PLXNA2: variants seen among roughly 807,000 people sequenced by gnomAD.
PLXNA2 encodes the protein plexin-A2.
Under a neutral mutation model 193.5 loss-of-function variants are expected in PLXNA2, and 91 were observed. The ratio of observed to expected loss-of-function variants is 0.47; its 90% CI spans 0.40 to 0.56. PLXNA2 has a LOEUF of 0.56. Among genes scored for constraint, PLXNA2 ranks in the 20% least tolerant of loss-of-function variants. PLXNA2 has a pLI of 0.00. For missense variants in PLXNA2, 1,995 were observed against 2,503.2 expected, an observed-to-expected ratio of 0.80 and a Z score of 4.33; for synonymous variants, 997 against 1,027.3, an observed-to-expected ratio of 0.97 and a Z score of 0.56.
intron 5 of PLXNA2, among the ~76,000 whole-genome samples, chr1:208,101,753 G>C (rs975625565): frequency 6.6e-6 from 1 of 152,196 alleles, no homozygotes; most frequent in Non-Finnish European, 1.5e-5. Flanking sequence ...TTCGACATGG[G>C]AGAAGTGCCA....
intron 4 of PLXNA2, among the ~76,000 whole-genome samples, chr1:208,111,217 ATTAATTTAAT>A (rs1251556252): frequency 6.6e-6 from 1 of 152,136 alleles, no homozygotes; most frequent in Non-Finnish European, 1.5e-5. Flanking sequence ...CACCTGGCTA[ATTAATTTAAT>A]TTAATTTAAT....
chr1:208,201,778 A>C (rs759307438), intron 3 of PLXNA2, among the ~76,000 whole-genome samples: 3 of 152,190 alleles, frequency 2.0e-5, no homozygotes, highest in Non-Finnish European at 1.5e-5. Context: ...TCACAAGTTA[A>C]GTCACAATTG....
intron 1 of PLXNA2, among the ~76,000 whole-genome samples, chr1:208,240,658 C>T (rs972517208): frequency 2.0e-5 from 3 of 151,260 alleles, no homozygotes; most frequent in African/African-American, 7.3e-5. Flanking sequence ...ACTCCCAGCA[C>T]CTCAAAGCCT....
rs1665000561 is a variant in PLXNA2 at position 208,044,801 on chromosome 1, G to A, written c.3640-59C>T. 7.4e-7 allele frequency: 1 copy of A among 1,348,532 alleles called. No homozygotes were observed. Among genetic ancestry groups the A allele is most frequent in the Admixed American group, 1.9e-5 (1 of 53,366 alleles). The allele number at this position is 1,348,532 out of a possible 1,614,324, so 83.5% of individuals were successfully genotyped here. A position where few individuals can be genotyped will look rare whatever the true frequency, so the allele number is the denominator to read the frequency against. On this transcript the variant is annotated intron_variant, in intron 19 of 31. Transcript: ENST00000367033. This position sits in a 1 kb window ranked among gnomAD's most constrained non-coding sequence, Gnocchi z 4.9. ...GCACACAGGTGTAGAGCCCGGGCAT[G>A]CCAGCAGATCCTTACAGTGCGAGGA...
chr1:208,056,929 C>T (rs1347395485), intron 13 of PLXNA2, among the ~76,000 whole-genome samples: 2 of 152,202 alleles, frequency 1.3e-5, no homozygotes, highest in African/African-American at 4.8e-5. Context: ...CTAATCTCCT[C>T]AACTCTTCTT....
chr1:208,098,321 T>A (rs1299669910), intron 6 of PLXNA2, among the ~76,000 whole-genome samples: 2 of 152,148 alleles, frequency 1.3e-5, no homozygotes, highest in Non-Finnish European at 2.9e-5. Context: ...CATGAAATAT[T>A]TTGGGTTGTA....
chr1:208,077,373 C>G (rs1417957448), intron 12 of PLXNA2, among the ~76,000 whole-genome samples: 1 of 152,150 alleles, frequency 6.6e-6, no homozygotes, highest in African/African-American at 2.4e-5. Flanking sequence ...ACAGAGCAGC[C>G]CGTCAGCCCC....
chr1:208,140,625 G>A (rs1668432569), intron 4 of PLXNA2, among the ~76,000 whole-genome samples: 1 of 152,174 alleles, frequency 6.6e-6, no homozygotes, highest in African/African-American at 2.4e-5. Context: ...GCCTGGAATG[G>A]TGCTCATCAA....
intron 3 of PLXNA2, among the ~76,000 whole-genome samples, chr1:208,145,976 C>G (rs2102489863): frequency 6.6e-6 from 1 of 152,272 alleles, no homozygotes; most frequent in Middle Eastern, 3.4e-3. Flanking sequence ...CACCCCCGAT[C>G]CATGCTATCT....
At chr1:208,158,496 C>G (rs938038378) in intron 3 of PLXNA2, among the ~76,000 whole-genome samples, 1 of 152,180 alleles carries the variant, frequency 6.6e-6, no homozygotes, top group Non-Finnish European at 1.5e-5. Flanking sequence ...AGACACCAGC[C>G]CCAGAGCATG....
At chr1:208,240,418 C>T (rs984609955) in intron 1 of PLXNA2, among the ~76,000 whole-genome samples, 2 of 152,142 alleles carry the variant, frequency 1.3e-5, no homozygotes, top group African/African-American at 2.4e-5. Context: ...TAGAAATGAC[C>T]GAAAAAGAAG....
intron 3 of PLXNA2, among the ~76,000 whole-genome samples, chr1:208,176,829 G>C (rs976909579): frequency 3.5e-4 from 54 of 152,230 alleles, no homozygotes; most frequent in African/African-American, 1.2e-3. Context: ...GCCCTAGCCT[G>C]CCTGTCAGCT....
intron 1 of PLXNA2, among the ~76,000 whole-genome samples, chr1:208,219,367 C>A (rs1201799022): frequency 6.6e-6 from 1 of 152,154 alleles, no homozygotes; most frequent in Non-Finnish European, 1.5e-5. Context: ...ACTGTCCTGA[C>A]TTATGGAGAG....
rs1558152027 is a variant in PLXNA2, at chr1:208,027,219, C to T, written c.*24G>A. On this transcript the variant is annotated 3_prime_UTR_variant, in exon 32 of 32. Transcript: ENST00000367033. ...GTGACAGCTTGGACAGGTCCCTCTTCCCAGGAATGCGAGGCTCCTCCTCTC... is the reference window on the plus strand; with the variant it reads ...GTGACAGCTTGGACAGGTCCCTCTTTCCAGGAATGCGAGGCTCCTCCTCTC... The T allele has an allele frequency of 6.3e-7, 1 of 1,594,602 alleles. No individual in the cohort carries two copies. The highest frequency in any genetic ancestry group is 8.6e-7 in the Non-Finnish European group (1 of 1,163,654).
In PLXNA2 at chr1:208,142,369, G is replaced by A. The variant is rs769795871; in HGVS notation, c.1466C>T (p.Ser489Phe). 1.2e-6 allele frequency: 2 copies of A among 1,613,760 alleles called. No individual in the cohort carries two copies. Among genetic ancestry groups the A allele is most frequent in the South Asian group, 1.1e-5 (1 of 91,040 alleles). Residue 489 changes from serine to phenylalanine, a missense_variant, in exon 4 of 32, where the codon TCC becomes TTC. Ser to Phe is a radical substitution (Grantham distance 155). Transcript: ENST00000367033. ...GSPILRDMAFSIDQRYLYVMS... is the reference protein window; with the variant it reads ...GSPILRDMAFFIDQRYLYVMS... ...GACGTACAGGTAGCGCTGATCAATG[G>A]AGAAGGCCATGTCCCGGAGGATGGG...
At chr1:208,116,697 T>G (rs1208297717) in intron 4 of PLXNA2, among the ~76,000 whole-genome samples, 2 of 152,080 alleles carry the variant, frequency 1.3e-5, no homozygotes, top group African/African-American at 4.8e-5. Flanking sequence ...GTTTTCACAT[T>G]TGTTAAATAT....
chr1:208,127,749 C>T (rs1484840514), intron 4 of PLXNA2, among the ~76,000 whole-genome samples: 4 of 152,222 alleles, frequency 2.6e-5, no homozygotes, highest in African/African-American at 4.8e-5. Context: ...TGCTGACTTA[C>T]GGAGTAACTC....
intron 23 of PLXNA2, 105 bp from the exon 24 acceptor site, chr1:208,039,872 A>G: frequency 1.3e-6 from 2 of 1,589,470 alleles, no homozygotes; most frequent in Non-Finnish European, 1.7e-6. Flanking sequence ...GGGCTTTAGC[A>G]CAGCCAGTCC....
intron 3 of PLXNA2, among the ~76,000 whole-genome samples, chr1:208,146,366 A>T (rs1435245685): frequency 2.0e-5 from 3 of 152,260 alleles, no homozygotes; most frequent in Non-Finnish European, 2.9e-5. Context: ...TCATAGACTT[A>T]TAAAAATTAC....
Sources: gnomAD v4.1 joint callset for allele counts (sites outside exome capture counted in the v4.1 genomes callset) on GRCh38, gnomAD v4.1.1 for gene constraint, Gnocchi (gnomAD v3.1) non-coding constraint, MANE v1.5 for transcripts, NCBI Gene and HGNC (gene_info 2026-07-23, HGNC 2026-07-21) for gene names.